Variants in CACNA1I observed in about 807,000 individuals in gnomAD.
CACNA1I encodes calcium voltage-gated channel subunit alpha1 I, also known as voltage-dependent T-type calcium channel subunit alpha-1I.
A neutral mutation model predicts 201.6 loss-of-function variants in CACNA1I; 74 were observed. That is an observed-to-expected ratio of 0.37 (90% CI 0.30 to 0.45). The LOEUF (loss-of-function observed/expected upper bound fraction) is 0.45. Among genes scored for constraint, CACNA1I ranks in the 20% least tolerant of loss-of-function variants. The pLI is 1.00. For synonymous variants in CACNA1I, 1,431 were observed against 1,345.2 expected, an observed-to-expected ratio of 1.06 and a Z score of -1.40; for missense variants, 2,346 against 3,138.1, an observed-to-expected ratio of 0.75 and a Z score of 6.03.
In CACNA1I at chr22:39,686,126, G is replaced by C; in HGVS notation, c.6393G>C (p.Ser2131=). Residue 2131 remains serine, a synonymous_variant, in exon 37 of 37, where the codon TCG becomes TCC. Transcript: ENST00000402142. The part of the protein sequence containing the change: ...SEHSETLSSL[S]LTSLFCPPPP... ...ACTCGGAGACCCTCAGCAGCCTCTCGCTCACCTCCCTCTTCTGCCCGCCGC... is the reference window on the plus strand; with the variant it reads ...ACTCGGAGACCCTCAGCAGCCTCTCCCTCACCTCCCTCTTCTGCCCGCCGC... 1 of 1,249,272 alleles carries C rather than the reference G, an allele frequency of 8.0e-7. No homozygotes were observed. 77.4% of individuals were successfully genotyped at this position (1,249,272 alleles called of 1,614,324 possible).
chr22:39,615,012 A>T (rs1006756454), intron 3 of CACNA1I, among the ~76,000 whole-genome samples: 11 of 152,224 alleles, frequency 7.2e-5, no homozygotes, highest in Non-Finnish European at 2.9e-5. Context: ...GTAATTAGGA[A>T]TTAATTTCTC....
chr22:39,571,023 C>T (rs777369465), intron 1 of CACNA1I, 35 bp downstream of exon 1: 6 of 1,558,496 alleles, frequency 3.8e-6, no homozygotes, highest in Non-Finnish European at 5.3e-6. Flanking sequence ...CGGGGCCCTG[C>T]AGGGGCTGAA....
chr22:39,659,023 C>T lies in CACNA1I; in HGVS notation c.2237C>T (p.Pro746Leu). The change falls in exon 12 of 37, where the codon CCT becomes CTT. Residue 746 changes from proline to leucine, a missense_variant. Around this residue, in one of 13 missense-constraint regions of CACNA1I, gnomAD observed 155 missense variants for 300.8 expected, o/e 0.52. Coordinates refer to ENST00000402142, the MANE Select transcript of CACNA1I (RefSeq NM_021096.4). This position sits in a 1 kb window ranked among gnomAD's most constrained non-coding sequence, Gnocchi z 4.3. ...GTGCTGAAACTGGTGCGCTTCATGC[C>T]TGCCCTGCGGCGCCAGCTCGTGGTG... ...LRVLKLVRFM[P>L]ALRRQLVVLM... The T allele has an allele frequency of 6.2e-7, 1 of 1,612,862 alleles. No individual in the cohort carries two copies. Among genetic ancestry groups the T allele is most frequent in the Non-Finnish European group, 8.5e-7 (1 of 1,179,612 alleles).
chr22:39,578,136 T>G (rs1601789493), intron 1 of CACNA1I, among the ~76,000 whole-genome samples: 1 of 151,128 alleles, frequency 6.6e-6, no homozygotes, highest in East Asian at 2.0e-4. Context: ...GGCGGGAAGG[T>G]GGGGAGTGGG....
chr22:39,600,467 C>T, intron 2 of CACNA1I, 53 bp from the exon 3 acceptor site: 2 of 1,516,582 alleles, frequency 1.3e-6, no homozygotes, highest in South Asian at 1.1e-5. Context: ...AACCCCTGGG[C>T]CCTGCTCTGC....
intron 1 of CACNA1I, among the ~76,000 whole-genome samples, chr22:39,588,128 ATTTT>A (rs35332612): frequency 3.0e-4 from 27 of 90,584 alleles, no homozygotes; most frequent in African/African-American, 1.2e-3. Flanking sequence ...GTTGCTCTTC[ATTTT>A]TTTTTTTTTT....
rs553969384 is a variant in CACNA1I at position 39,659,320 on chromosome 22, G to A, written c.2331-113G>A. The A allele has an allele frequency of 1.4e-5, 13 of 945,682 alleles. No homozygotes were observed. The highest frequency in any genetic ancestry group is 1.1e-4 in the East Asian group (4 of 37,976). 58.6% of individuals were successfully genotyped at this position (945,682 alleles called of 1,614,324 possible). On this transcript the variant is annotated intron_variant, in intron 12 of 36. Coordinates refer to ENST00000402142, the MANE Select transcript of CACNA1I (RefSeq NM_021096.4). This position sits in a 1 kb window ranked among gnomAD's most constrained non-coding sequence, Gnocchi z 4.3. ...TTCATCTCTGTAAAATGGGACCAAC[G>A]CTGCCCCGCCTCCCCCTGCCCTGCA...
chr22:39,682,471 C>T (rs1396528439), intron 34 of CACNA1I, 25 bp from the exon 35 acceptor site: 3 of 1,609,224 alleles, frequency 1.9e-6, no homozygotes, highest in Non-Finnish European at 1.7e-6. Context: ...CAGTCCTGCC[C>T]CATCCTACCT....
At chr22:39,668,132 G>C (rs1193104071) in intron 23 of CACNA1I, among the ~76,000 whole-genome samples, 160 bp from the exon 24 acceptor site, 1 of 152,186 alleles carries the variant, frequency 6.6e-6, no homozygotes, top group Non-Finnish European at 1.5e-5. Context: ...TAGGTCCTTA[G>C]GAAAGTTTGT....
chr22:39,685,600 G>A lies in CACNA1I; in HGVS notation c.6028-161G>A, dbSNP rs114233903. ...TCGGGGCAGGTGAAGGCCCTGCGGT[G>A]ACGCCGCCTAAGCTGGACGTGCGGA... is the stretch of plus-strand genomic sequence containing the variant. On this transcript the variant is annotated intron_variant, in intron 36 of 36. Transcript: ENST00000402142. This position sits in a 1 kb window ranked among gnomAD's most constrained non-coding sequence, Gnocchi z 5.0. Among the ~76,000 whole-genome samples the A allele has an allele frequency of 0.022, 3,350 of 152,208 alleles. 128 individuals carry two copies. Among genetic ancestry groups the A allele is most frequent in the African/African-American group, 0.076 (3,141 of 41,528 alleles).
chr22:39,663,488 C>A (rs9607665), intron 18 of CACNA1I, among the ~76,000 whole-genome samples: 1 of 152,136 alleles, frequency 6.6e-6, no homozygotes, highest in African/African-American at 2.4e-5. Context: ...GGGTAAGCCT[C>A]GAGTGCCAGG....
chr22:39,621,369 C>T (rs1933738941), intron 4 of CACNA1I, among the ~76,000 whole-genome samples: 1 of 152,248 alleles, frequency 6.6e-6, no homozygotes, highest in Non-Finnish European at 1.5e-5. Context: ...ATTCCTAGCC[C>T]TGGGGCCTTG....
chr22:39,620,269 ATCCATCCATACG>A (rs200124729), intron 4 of CACNA1I, among the ~76,000 whole-genome samples: 53,202 of 135,812 alleles, frequency 0.39, 10,296 homozygotes, highest in East Asian at 0.82. Context: ...CCATCCATCC[ATCCATCCATACG>A]TACATACATA....
chr22:39,598,471 T>C (rs1185216017), intron 2 of CACNA1I, among the ~76,000 whole-genome samples: 1 of 151,444 alleles, frequency 6.6e-6, no homozygotes, highest in Non-Finnish European at 1.5e-5. Context: ...TGGCTGACCC[T>C]TCCTCACTCC....
intron 1 of CACNA1I, chr22:39,587,600 C>T (rs1182307279): frequency 3.2e-6 from 1 of 310,954 alleles, no homozygotes; most frequent in African/African-American, 2.3e-5. Context: ...AATTAGAAGA[C>T]AGGAGGGTAT....
rs1361310296 is a variant in CACNA1I at position 39,686,093 on chromosome 22, C to T, written c.6360C>T (p.Gly2120=). The change falls in exon 37 of 37, where the codon GGC becomes GGT. Residue 2120 remains glycine, a synonymous_variant. Transcript: ENST00000402142. ...GTGGCGCGGGCGGCGGGGGCGCGGG[C>T]AGCGAGCACTCGGAGACCCTCAGCA... ...GRGGAGGGGA[G]SEHSETLSSL... is the part of the protein sequence containing the mutation. 8.6e-7 allele frequency: 1 copy of T among 1,159,616 alleles called. No homozygotes were observed. Among genetic ancestry groups the T allele is most frequent in the South Asian group, 3.7e-5 (1 of 26,794 alleles). 71.8% of individuals were successfully genotyped at this position (1,159,616 alleles called of 1,614,324 possible).
At chr22:39,612,075 A>C (rs1933400859) in intron 3 of CACNA1I, among the ~76,000 whole-genome samples, 1 of 152,192 alleles carries the variant, frequency 6.6e-6, no homozygotes, top group Admixed American at 6.5e-5. Flanking sequence ...TGGGACCTTT[A>C]AGAAGTGACC....
rs1443513221 is a variant in CACNA1I, at chr22:39,589,433, T to TGAAC, written c.237-8714_237-8711dup. Among the ~76,000 whole-genome samples the TGAAC allele has an allele frequency of 5.3e-5, 8 of 152,238 alleles. No homozygotes were observed. In the East Asian group the frequency reaches 1.5e-3, roughly 29 times the overall value. ...GTTTATTATTCATTGAATAAACGAA[T>TGAAC]GAACGAATGAATGTGTGAATGAGTG... On this transcript the variant is annotated intron_variant, in intron 1 of 36. Transcript: ENST00000402142.
At chr22:39,592,136 A>T (rs895478138) in intron 1 of CACNA1I, among the ~76,000 whole-genome samples, 1 of 152,152 alleles carries the variant, frequency 6.6e-6, no homozygotes, top group Admixed American at 6.5e-5. Flanking sequence ...AAAGACCCTG[A>T]GTGATTTTCT....
Sources: allele counts gnomAD v4.1 joint callset (sites outside exome capture counted in the v4.1 genomes callset), GRCh38; gene constraint gnomAD v4.1.1; regional missense constraint gnomAD v4.1.1; non-coding constraint Gnocchi (gnomAD v3.1); transcripts MANE v1.5; gene names NCBI Gene and HGNC (gene_info 2026-07-23, HGNC 2026-07-21).